Variants in EYA4 observed in about 807,000 individuals in gnomAD.
EYA4 encodes the protein EYA transcriptional coactivator and phosphatase 4, also known as protein phosphatase EYA4.
A neutral mutation model predicts 87.9 loss-of-function variants in EYA4; 31 were observed. The ratio of observed to expected loss-of-function variants is 0.35; its 90% CI spans 0.27 to 0.48. The LOEUF (loss-of-function observed/expected upper bound fraction) is 0.48, where lower values mean the gene tolerates loss of function less well. Ranked by LOEUF, EYA4 falls within the 20% of genes least tolerant of loss-of-function variation. The pLI is 0.99. For synonymous variants in EYA4, 263 were observed against 270.6 expected, an observed-to-expected ratio of 0.97 and a Z score of 0.28; for missense variants, 678 against 761.4, an observed-to-expected ratio of 0.89 and a Z score of 1.29.
chr6:133,523,621 A>G (rs1349965640), intron 18 of EYA4, among the ~76,000 whole-genome samples: 1 of 152,186 alleles, frequency 6.6e-6, no homozygotes, highest in East Asian at 1.9e-4. Context: ...GTATCAGAAA[A>G]CATAATAGGA....
At chr6:133,481,878 A>G (rs796680803) in intron 12 of EYA4, among the ~76,000 whole-genome samples, 13 of 152,322 alleles carry the variant, frequency 8.5e-5, no homozygotes, top group African/African-American at 2.6e-4. Flanking sequence ...GGCACCGACA[A>G]ATTTTAAAAC....
Position 133,529,156 on chromosome 6 carries a change from C to A in EYA4, c.*351C>A, listed in dbSNP as rs1023720917. On this transcript the variant is annotated 3_prime_UTR_variant, in exon 20 of 20. Transcript: ENST00000355286. The stretch of plus-strand genomic sequence containing the variant: ...ATGCTCCGTCTGACAAGGTGGTCAA[C>A]AACATTCCTCAAAATGGGAGATCTT... The A allele has an allele frequency of 1.7e-6, 2 of 1,176,030 alleles. No homozygotes were observed. The highest frequency in any genetic ancestry group is 1.6e-5 in the African/African-American group (1 of 62,438). The allele number at this position is 1,176,030 out of a possible 1,614,324, so 72.8% of individuals were successfully genotyped here. A position where few individuals can be genotyped will look rare whatever the true frequency, so the allele number is the denominator to read the frequency against.
intron 2 of EYA4, among the ~76,000 whole-genome samples, chr6:133,305,405 A>G (rs1452009872): frequency 6.6e-6 from 1 of 152,192 alleles, no homozygotes; most frequent in Non-Finnish European, 1.5e-5. Context: ...GCCAGTTTTT[A>G]GGAATGGAGT....
intron 3 of EYA4, among the ~76,000 whole-genome samples, chr6:133,394,673 G>A (rs1319722628): frequency 6.6e-6 from 1 of 152,158 alleles, no homozygotes; most frequent in African/African-American, 2.4e-5. Context: ...AATTCTAAGT[G>A]AAGGAATATA....
At chr6:133,461,720 G>T (rs1415158206) in intron 7 of EYA4, among the ~76,000 whole-genome samples, 1 of 151,206 alleles carries the variant, frequency 6.6e-6, no homozygotes, top group Non-Finnish European at 1.5e-5. Flanking sequence ...AGCATCTAGA[G>T]TGTCTGCCTT....
intron 1 of EYA4, chr6:133,248,427 CG>C (rs1240728228): frequency 6.6e-6 from 1 of 152,082 alleles, no homozygotes; most frequent in Non-Finnish European, 1.5e-5. Flanking sequence ...TACCACATAC[CG>C]GGAGGGCTCA....
At chr6:133,325,805 CA>C (rs1781457717) in intron 2 of EYA4, among the ~76,000 whole-genome samples, 1 of 152,166 alleles carries the variant, frequency 6.6e-6, no homozygotes, top group African/African-American at 2.4e-5. Flanking sequence ...AAAAAGCAGC[CA>C]TCCACGAGAT....
chr6:133,241,799 T>A (rs1241511344), intron 1 of EYA4, 50 bp downstream of exon 1: 1 of 152,324 alleles, frequency 6.6e-6, no homozygotes, highest in South Asian at 2.1e-4. Flanking sequence ...CGGGGGAGCC[T>A]GAGTTGAGAG....
intron 11 of EYA4, among the ~76,000 whole-genome samples, chr6:133,473,842 T>C (rs1296341569): frequency 6.6e-6 from 1 of 151,928 alleles, no homozygotes; most frequent in Non-Finnish European, 1.5e-5. Context: ...GTGGAACTCG[T>C]TCTTGGGGTC....
At chr6:133,445,461 G>A (rs1792723901) in intron 3 of EYA4, among the ~76,000 whole-genome samples, 2 of 151,770 alleles carry the variant, frequency 1.3e-5, no homozygotes, top group African/African-American at 2.4e-5. Context: ...AGTTCAGGTT[G>A]TTGGTGAGAA....
chr6:133,399,630 T>C (rs1788092931), intron 3 of EYA4, among the ~76,000 whole-genome samples: 1 of 152,250 alleles, frequency 6.6e-6, no homozygotes. Flanking sequence ...CATTGAATTC[T>C]GGCAGGAGTC....
rs575348467 is a variant in EYA4, at chr6:133,502,253, CCT to C, written c.1192-3852_1192-3851del. On this transcript the variant is annotated intron_variant, in intron 13 of 19. Coordinates refer to ENST00000355286, the MANE Select transcript of EYA4 (RefSeq NM_004100.5). ...ATATATATCAGAACTTCCACAAAAC[CCT>C]GTTAGTGCCTTTATTATCCCACTTT... 7.2e-5 allele frequency: 11 copies of C among 152,032 alleles called. No homozygotes were observed. In the South Asian group the frequency reaches 2.3e-3, roughly 32 times the overall value. 9.4% of individuals were successfully genotyped at this position (152,032 alleles called of 1,614,324 possible).
At chr6:133,391,040 T>A (rs1583151944) in intron 3 of EYA4, among the ~76,000 whole-genome samples, 2 of 152,240 alleles carry the variant, frequency 1.3e-5, no homozygotes, top group South Asian at 2.1e-4. Context: ...ATAGTCCCAC[T>A]TGATCCATGT....
chr6:133,413,326 T>C (rs1384733109), intron 3 of EYA4, among the ~76,000 whole-genome samples: 2 of 152,152 alleles, frequency 1.3e-5, no homozygotes, highest in African/African-American at 4.8e-5. Flanking sequence ...TAAAAGCCTG[T>C]CTATTGTGCC....
rs748932807 is a variant in EYA4, at chr6:133,382,378, C to T, written c.34-14C>T. The T allele has an allele frequency of 1.9e-6, 3 of 1,582,384 alleles. No individual in the cohort carries two copies. The highest frequency in any genetic ancestry group is 1.1e-5 in the South Asian group (1 of 90,448). On this transcript the variant is annotated splice_polypyrimidine_tract_variant and intron_variant, in intron 2 of 19. Transcript: ENST00000355286. Reference sequence around the variant, plus strand: ...TATTTTCATATGAGAATAACTAGTACTCTTTTCTTACAGGTAAAGAAAACG... The same window carrying T: ...TATTTTCATATGAGAATAACTAGTATTCTTTTCTTACAGGTAAAGAAAACG...
intron 2 of EYA4, among the ~76,000 whole-genome samples, chr6:133,329,797 A>T (rs1233995117): frequency 6.6e-6 from 1 of 152,106 alleles, no homozygotes; most frequent in African/African-American, 2.4e-5. Context: ...CTCACATATA[A>T]ATTGGCATGG....
intron 13 of EYA4, among the ~76,000 whole-genome samples, chr6:133,494,299 G>A (rs1797436712): frequency 6.6e-6 from 1 of 152,134 alleles, no homozygotes; most frequent in African/African-American, 2.4e-5. Flanking sequence ...CTCTTTTAGT[G>A]AAATAAGCCA....
intron 17 of EYA4, among the ~76,000 whole-genome samples, chr6:133,520,053 C>T (rs1322225153): frequency 2.6e-5 from 4 of 151,802 alleles, no homozygotes; most frequent in Non-Finnish European, 3.0e-5. Context: ...AAACTGGAAG[C>T]GTTCCCTTTG....
chr6:133,468,467 G>C, intron 10 of EYA4, 99 bp from the exon 11 acceptor site: 9 of 966,210 alleles, frequency 9.3e-6, no homozygotes, highest in Non-Finnish European at 1.5e-5. Flanking sequence ...AAATGGGGCT[G>C]AGTACTAATC....
Sources: gnomAD v4.1 joint callset for allele counts (sites outside exome capture counted in the v4.1 genomes callset) on GRCh38, gnomAD v4.1.1 for gene constraint, MANE v1.5 for transcripts, NCBI Gene and HGNC (gene_info 2026-07-23, HGNC 2026-07-21) for gene names.